Variants in TRHDE observed in about 807,000 individuals in gnomAD.
TRHDE encodes the protein thyrotropin-releasing hormone-degrading ectoenzyme.
TRHDE carries 72 observed loss-of-function variants against 125.7 expected under a neutral mutation model. The ratio of observed to expected loss-of-function variants is 0.57; its 90% confidence interval spans 0.47 to 0.70. TRHDE has a LOEUF of 0.70. Among genes scored for constraint, TRHDE ranks in the 30% least tolerant of loss-of-function variants. The pLI is 0.00. For synonymous variants in TRHDE, 509 were observed against 509.1 expected, an observed-to-expected ratio of 1.00 and a Z score of 0.00; for missense variants, 1,110 against 1,327.1, an observed-to-expected ratio of 0.84 and a Z score of 2.54.
intron 2 of TRHDE, among the ~76,000 whole-genome samples, chr12:72,336,932 T>C (rs1475142143): frequency 6.6e-6 from 1 of 152,178 alleles, no homozygotes; most frequent in Non-Finnish European, 1.5e-5. Flanking sequence ...CTACTCAAAG[T>C]GGTCTGCAGA....
At chr12:72,610,055 A>G (rs1044829029) in intron 12 of TRHDE, among the ~76,000 whole-genome samples, 4 of 152,186 alleles carry the variant, frequency 2.6e-5, no homozygotes, top group Non-Finnish European at 4.4e-5. Flanking sequence ...CTGTATTTCA[A>G]TTCTAGGCTA....
chr12:72,497,164 G>A (rs1037502269), intron 5 of TRHDE, among the ~76,000 whole-genome samples: 8 of 151,914 alleles, frequency 5.3e-5, no homozygotes, highest in Admixed American at 1.3e-4. Flanking sequence ...TTTAACACTC[G>A]AAAACTTAAA....
chr12:72,503,525 A>T (rs75647349), intron 6 of TRHDE, among the ~76,000 whole-genome samples: 4 of 152,316 alleles, frequency 2.6e-5, no homozygotes, highest in African/African-American at 9.6e-5. Context: ...TTATCCAGCA[A>T]TATTTCCATA....
At chr12:72,484,774 G>T (rs902491720) in intron 5 of TRHDE, among the ~76,000 whole-genome samples, 1 of 152,168 alleles carries the variant, frequency 6.6e-6, no homozygotes, top group Non-Finnish European at 1.5e-5. Flanking sequence ...AATCCTAAAG[G>T]TTGGTTGTCA....
At chr12:72,347,052 C>G (rs1166292253) in intron 2 of TRHDE, among the ~76,000 whole-genome samples, 1 of 152,048 alleles carries the variant, frequency 6.6e-6, no homozygotes, top group African/African-American at 2.4e-5. Flanking sequence ...GCCAGTGATA[C>G]TGGATTAGGG....
At chr12:72,405,349 C>A (rs1262747529) in intron 3 of TRHDE, among the ~76,000 whole-genome samples, 1 of 152,150 alleles carries the variant, frequency 6.6e-6, no homozygotes, top group African/African-American at 2.4e-5. Context: ...AAATGGATCT[C>A]TCCATAGATC....
intron 12 of TRHDE, chr12:72,582,158 A>G (rs1202035574): frequency 2.0e-6 from 1 of 508,598 alleles, no homozygotes; most frequent in Non-Finnish European, 2.5e-6. Flanking sequence ...AGTCATCAGT[A>G]GTGCATAATA....
chr12:72,645,877 A>G (rs1036162211), intron 15 of TRHDE, among the ~76,000 whole-genome samples: 2 of 152,106 alleles, frequency 1.3e-5, no homozygotes, highest in Non-Finnish European at 2.9e-5. Flanking sequence ...CAATAATGTC[A>G]TTTACAAATA....
At chr12:72,600,919 A>T (rs1292065039) in intron 12 of TRHDE, among the ~76,000 whole-genome samples, 4 of 152,094 alleles carry the variant, frequency 2.6e-5, no homozygotes, top group African/African-American at 9.6e-5. Flanking sequence ...TGTTGTTTTC[A>T]TGCTTGCTAA....
intron 12 of TRHDE, among the ~76,000 whole-genome samples, chr12:72,592,742 C>G (rs1467179478): frequency 6.6e-6 from 1 of 150,700 alleles, no homozygotes; most frequent in African/African-American, 2.5e-5. Flanking sequence ...TGAAGTCTCA[C>G]TCTTGCTACT....
intron 2 of TRHDE, among the ~76,000 whole-genome samples, chr12:72,146,735 TTCAGTGTTAA>T (rs1251036949): frequency 1.8e-4 from 28 of 152,176 alleles, no homozygotes; most frequent in African/African-American, 6.8e-4. Flanking sequence ...CGCAGACGGC[TTCAGTGTTAA>T]TCAGCTCAAT....
intron 2 of TRHDE, among the ~76,000 whole-genome samples, chr12:72,244,532 G>A (rs1321212766): frequency 6.7e-6 from 1 of 148,602 alleles, no homozygotes; most frequent in African/African-American, 2.4e-5. Context: ...TTACTTTTTT[G>A]TTTGCTAATT....
chr12:72,663,028 C>A, intron 18 of TRHDE, 24 bp from the exon 19 acceptor site: 1 of 1,591,422 alleles, frequency 6.3e-7, no homozygotes, highest in Middle Eastern at 1.7e-4. Flanking sequence ...GGCAGATTTA[C>A]CATTTAAAAA....
chr12:72,245,695 T>A (rs563532457), intron 2 of TRHDE, among the ~76,000 whole-genome samples: 10 of 152,206 alleles, frequency 6.6e-5, no homozygotes, highest in African/African-American at 2.4e-4. Context: ...AATATCAAAC[T>A]ATAAGTATAT....
At chr12:72,269,609 G>C (rs1352822538), upstream of TRHDE, among the ~76,000 whole-genome samples, 1 of 152,142 alleles carries the variant, frequency 6.6e-6, no homozygotes, top group Non-Finnish European at 1.5e-5. Context: ...CGTGAGTGAG[G>C]GAAAGGGGAA....
At chr12:72,179,729 A>G (rs1413113968) in intron 2 of TRHDE, among the ~76,000 whole-genome samples, 1 of 152,184 alleles carries the variant, frequency 6.6e-6, no homozygotes, top group East Asian at 1.9e-4. Flanking sequence ...CTTATTAAAT[A>G]TAAATTCCTC....
chr12:72,570,972 C>T (rs527931304), intron 10 of TRHDE, among the ~76,000 whole-genome samples: 9 of 113,970 alleles, frequency 7.9e-5, no homozygotes, highest in Admixed American at 5.3e-4. Context: ...ATTGCCCATA[C>T]GAAGATAATG....
chr12:72,625,411 T>C (rs1305809977), intron 15 of TRHDE, among the ~76,000 whole-genome samples: 1 of 151,826 alleles, frequency 6.6e-6, no homozygotes, highest in Non-Finnish European at 1.5e-5. Context: ...CACCTTGTTA[T>C]ATAGTAAATG....
At chr12:72,495,173 CAACA>C (rs1877862397) in intron 5 of TRHDE, among the ~76,000 whole-genome samples, 1 of 143,348 alleles carries the variant, frequency 7.0e-6, no homozygotes, top group African/African-American at 2.6e-5. Context: ...ATCAAAGTAT[CAACA>C]TTGGTTGAAT....
Sources: gnomAD v4.1 joint callset for allele counts (sites outside exome capture counted in the v4.1 genomes callset) on GRCh38, gnomAD v4.1.1 for gene constraint, MANE v1.5 for transcripts, NCBI Gene and HGNC (gene_info 2026-07-23, HGNC 2026-07-21) for gene names.